Variants in CDH13 observed in about 807,000 individuals in gnomAD.
CDH13 encodes cadherin 13.
In CDH13, 24 loss-of-function variants were observed where a neutral mutation model predicts 63.8. The observed-to-expected ratio is 0.38, with a 90% CI of 0.27 to 0.53. The LOEUF is 0.53. Among genes scored for constraint, CDH13 ranks in the 20% least tolerant of loss-of-function variants. The probability of loss-of-function intolerance (pLI) is 0.85; values close to 1 mark genes in which losing one functional copy is unlikely to be tolerated. For synonymous variants in CDH13, 503 were observed against 355.3 expected (o/e 1.42, Z -4.67); for missense variants, 1,049 against 903.1 (o/e 1.16, Z -2.07).
intron 10 of CDH13, among the ~76,000 whole-genome samples, chr16:83,679,405 T>C (rs1915222072): frequency 6.6e-6 from 1 of 152,234 alleles, no homozygotes; most frequent in Admixed American, 6.5e-5. Flanking sequence ...AAAACGAACA[T>C]GTGTCTGATT....
intron 1 of CDH13, among the ~76,000 whole-genome samples, chr16:82,728,309 G>GTTTACCC (rs2033209742): frequency 6.6e-6 from 1 of 152,082 alleles, no homozygotes; most frequent in Non-Finnish European, 1.5e-5. Context: ...GCCTTGTTCA[G>GTTTACCC]TTTACCCTTA....
At chr16:82,645,260 G>A (rs1232249665) in intron 1 of CDH13, among the ~76,000 whole-genome samples, 5 of 152,164 alleles carry the variant, frequency 3.3e-5, no homozygotes, top group Non-Finnish European at 4.4e-5. Flanking sequence ...GCCTCTGGGG[G>A]CAGGCTCAGA....
intron 7 of CDH13, 98 bp from the exon 8 acceptor site, chr16:83,602,356 G>A (rs1907928294): frequency 8.7e-7 from 1 of 1,154,326 alleles, no homozygotes; most frequent in Middle Eastern, 2.1e-4. Flanking sequence ...CTAGATGGAG[G>A]AGGGGGAGAG....
At chr16:83,480,337 G>T (rs1002665732) in intron 6 of CDH13, among the ~76,000 whole-genome samples, 2 of 152,218 alleles carry the variant, frequency 1.3e-5, no homozygotes, top group African/African-American at 4.8e-5. Context: ...ATAAAATTTG[G>T]GGCTTAACTG....
intron 3 of CDH13, among the ~76,000 whole-genome samples, chr16:83,037,841 T>C (rs1465727375): frequency 2.0e-5 from 3 of 152,168 alleles, no homozygotes; most frequent in Non-Finnish European, 4.4e-5. Context: ...AATATCCTCA[T>C]CTATCAAATA....
intron 1 of CDH13, among the ~76,000 whole-genome samples, chr16:82,710,706 A>G (rs1379199465): frequency 6.8e-6 from 1 of 146,280 alleles, no homozygotes; most frequent in Non-Finnish European, 1.5e-5. Context: ...TTATAAATGT[A>G]TTTTATATAT....
At chr16:82,903,756 T>C (rs781236819) in intron 2 of CDH13, among the ~76,000 whole-genome samples, 1 of 152,160 alleles carries the variant, frequency 6.6e-6, no homozygotes, top group Non-Finnish European at 1.5e-5. Context: ...GGCTGTATAG[T>C]AACAAGCCTG....
chr16:83,692,839 T>G (rs1905041777), intron 10 of CDH13, among the ~76,000 whole-genome samples: 1 of 152,152 alleles, frequency 6.6e-6, no homozygotes, highest in Non-Finnish European at 1.5e-5. Flanking sequence ...ATCCTAGCAC[T>G]TTGGGAGGCC....
chr16:83,602,535 A>G lies in CDH13; in HGVS notation c.1042A>G (p.Thr348Ala), dbSNP rs79069532. The stretch of plus-strand genomic sequence containing the variant: ...GGATGTTGGATTAACAGGCACGGCC[A>G]CAGCCACGATCATGATCGATGACAA... Reference protein sequence around the residue: ...GLDVGLTGTATATIMIDDKND... With the variant: ...GLDVGLTGTAAATIMIDDKND... The change falls in exon 8 of 14, where the codon ACA (threonine) becomes GCA (alanine). Residue 348 changes from threonine to alanine, a missense_variant. Transcript: ENST00000567109. The G allele has an allele frequency of 1.2e-6, 2 of 1,614,018 alleles. No homozygotes were observed. Among genetic ancestry groups the G allele is most frequent in the Non-Finnish European group, 1.7e-6 (2 of 1,179,870 alleles).
intron 5 of CDH13, among the ~76,000 whole-genome samples, chr16:83,262,854 A>G (rs1907153014): frequency 6.6e-6 from 1 of 152,168 alleles, no homozygotes. Context: ...TATGTTGCCT[A>G]TTTGGACCAC....
In CDH13 at chr16:83,800,033, T is replaced by C. The variant is rs1904308881; in HGVS notation, c.*5003T>C. On this transcript the variant is annotated 3_prime_UTR_variant, in exon 14 of 14. Coordinates refer to ENST00000567109, the MANE Select transcript of CDH13 (RefSeq NM_001257.5). ...AAGCGGAAAAATTTCCTCTCTCTCA[T>C]ACTATGTTGCTATCATCACATCTAT... is the stretch of plus-strand genomic sequence containing the variant. The C allele has an allele frequency of 6.6e-6, 1 of 152,246 alleles. No individual in the cohort carries two copies. The highest frequency in any genetic ancestry group is 6.5e-5 in the Admixed American group (1 of 15,286). The allele number at this position is 152,246 out of a possible 1,614,324, so 9.4% of individuals were successfully genotyped here.
rs16961548 is a variant in CDH13, at chr16:83,737,084, G to A, written c.1539-11024G>A. Among the ~76,000 whole-genome samples, 1,420 of 152,310 alleles carry A rather than the reference G, an allele frequency of 9.3e-3. 64 individuals carry two copies. The highest frequency in any genetic ancestry group is 0.068 in the Admixed American group (1,033 of 15,296). ...GAGCTCAAAACAGTGGTTCTTAGGC[G>A]TTTGTCTGCAGGCACGCTGGTAATT... On this transcript the variant is annotated intron_variant, in intron 10 of 13. Transcript: ENST00000567109.
At position 82,886,955 on chromosome 16, in the gene CDH13, C is replaced by T. The variant is rs144854377; in HGVS notation, c.157+28482C>T. Reference sequence around the variant, plus strand: ...ATAACTACTCCATTCTGTATGCCTTCTATGTCTTTTCTTGATGTGTGCACC... The same window carrying T: ...ATAACTACTCCATTCTGTATGCCTTTTATGTCTTTTCTTGATGTGTGCACC... On this transcript the variant is annotated intron_variant, in intron 2 of 13. Transcript: ENST00000567109. 3.6e-3 allele frequency among the ~76,000 whole-genome samples: 542 copies of T among 152,222 alleles called. 7 individuals are homozygous for T. The highest frequency in any genetic ancestry group is 0.012 in the African/African-American group (489 of 41,548).
intron 5 of CDH13, among the ~76,000 whole-genome samples, chr16:83,330,030 T>C (rs1176404892): frequency 6.6e-6 from 1 of 152,220 alleles, no homozygotes; most frequent in Admixed American, 6.5e-5. Context: ...TTCAAATCTT[T>C]TGGATGTATA....
intron 1 of CDH13, among the ~76,000 whole-genome samples, chr16:82,785,323 C>G (rs2035954284): frequency 6.6e-6 from 1 of 152,162 alleles, no homozygotes; most frequent in Admixed American, 6.5e-5. Flanking sequence ...TAAGCCATAA[C>G]TGGTTTATCC....
At chr16:83,131,184 C>A (rs1005310994) in intron 4 of CDH13, among the ~76,000 whole-genome samples, 4 of 8,868 alleles carry the variant, frequency 4.5e-4, no homozygotes, top group African/African-American at 9.9e-4. Flanking sequence ...GGTGTATGAC[C>A]CCCCCCCCCC....
chr16:83,193,411 C>T (rs2038784529), intron 4 of CDH13, among the ~76,000 whole-genome samples: 1 of 152,218 alleles, frequency 6.6e-6, no homozygotes, highest in Admixed American at 6.5e-5. Flanking sequence ...TTGCGAGCCC[C>T]AAACCCTACC....
chr16:83,216,727 A>G (rs1040382064), intron 4 of CDH13, among the ~76,000 whole-genome samples: 1 of 147,992 alleles, frequency 6.8e-6, no homozygotes, highest in African/African-American at 2.5e-5. Flanking sequence ...TATATATTTA[A>G]TATATAGGGG....
At chr16:83,202,974 C>G (rs1484781071) in intron 4 of CDH13, among the ~76,000 whole-genome samples, 2 of 152,050 alleles carry the variant, frequency 1.3e-5, no homozygotes, top group Admixed American at 6.5e-5. Flanking sequence ...GCCTGTAATC[C>G]CAGTACTTTG....
Sources: gnomAD v4.1 joint callset for allele counts (sites outside exome capture counted in the v4.1 genomes callset) on GRCh38, gnomAD v4.1.1 for gene constraint, MANE v1.5 for transcripts, NCBI Gene and HGNC (gene_info 2026-07-23, HGNC 2026-07-21) for gene names.